The following HABP2 variants were observed in gnomAD, a reference collection of about 807,000 sequenced individuals.
HABP2 encodes the protein hyaluronan binding protein 2.
HABP2 carries 65 observed loss-of-function variants against 66.5 expected under a neutral mutation model. The observed-to-expected ratio is 0.98, with a 90% CI of 0.80 to 1.20. The LOEUF (loss-of-function observed/expected upper bound fraction) is 1.20. Ranked by LOEUF, HABP2 falls within the 50% of genes most tolerant of loss-of-function variation. HABP2 has a pLI of 0.00. For missense variants in HABP2, 786 were observed against 691.0 expected (o/e 1.14, Z -1.54); for synonymous variants, 263 against 253.9 (o/e 1.04, Z -0.34).
At chr10:113,567,600 T>C in intron 2 of HABP2, 75 bp downstream of exon 2, 1 of 1,092,532 alleles carries the variant, frequency 9.2e-7, no homozygotes, top group South Asian at 1.3e-5. Context: ...GAGGCCTAAG[T>C]ATGGAAGTGT....
chr10:113,583,528 C>T lies in HABP2; in HGVS notation c.1237+170C>T, dbSNP rs2302373. ...GATTTTTAGTTTTTGAGGGTATGTGCAAATGTAGATAAATGGGCATATGCT... is the reference window on the plus strand; with the variant it reads ...GATTTTTAGTTTTTGAGGGTATGTGTAAATGTAGATAAATGGGCATATGCT... On this transcript the variant is annotated intron_variant, in intron 10 of 12. Transcript: ENST00000351270. 0.65 allele frequency among the ~76,000 whole-genome samples: 98,189 copies of T among 151,988 alleles called. 32,135 individuals carry two copies. The highest frequency in any genetic ancestry group is 0.75 in the East Asian group (3,863 of 5,164).
At chr10:113,580,460 C>A (rs1297176422) in intron 7 of HABP2, 135 bp from the exon 8 acceptor site, 17 of 626,414 alleles carry the variant, frequency 2.7e-5, no homozygotes, top group Non-Finnish European at 4.0e-5. Context: ...GGTTTTGTAA[C>A]CTGATGGAGG....
At chr10:113,565,856 G>C (rs777254661) in intron 1 of HABP2, among the ~76,000 whole-genome samples, 1 of 152,146 alleles carries the variant, frequency 6.6e-6, no homozygotes. Flanking sequence ...TAGGTGTTTT[G>C]TAGAATGCCC....
In HABP2 at chr10:113,562,709, T is replaced by G. The variant is rs917134566; in HGVS notation, c.70-4780T>G. ...ATCTGCCCACCTCGGCCTCCCAAAGTGTTGGGATTACAGGCGTAAGCCACT... is the reference window on the plus strand; with the variant it reads ...ATCTGCCCACCTCGGCCTCCCAAAGGGTTGGGATTACAGGCGTAAGCCACT... On this transcript the variant is annotated intron_variant, in intron 1 of 12. Transcript: ENST00000351270. Among the ~76,000 whole-genome samples the G allele has an allele frequency of 3.3e-5, 5 of 152,212 alleles. No individual in the cohort carries two copies. The East Asian group carries it at 9.6e-4, about 29-fold the overall frequency.
chr10:113,564,358 C>T (rs1845157881), intron 1 of HABP2, among the ~76,000 whole-genome samples: 1 of 152,116 alleles, frequency 6.6e-6, no homozygotes, highest in African/African-American at 2.4e-5. Context: ...AGGGTCCCCT[C>T]ATGGCACCTC....
intron 8 of HABP2, among the ~76,000 whole-genome samples, chr10:113,581,662 T>C (rs1211821509): frequency 6.6e-6 from 1 of 152,224 alleles, no homozygotes; most frequent in Non-Finnish European, 1.5e-5. Context: ...AAAAACTACA[T>C]TGTTAATTCT....
Position 113,589,120 on chromosome 10 carries a change from C to T in HABP2, c.*751C>T. ...ATACCCCAAGTTAAAATGAAGCTCC[C>T]CCACCCCCACTCCCGGCCCCGGTTC... On this transcript the variant is annotated 3_prime_UTR_variant, in exon 13 of 13. Coordinates refer to ENST00000351270, the MANE Select transcript of HABP2 (RefSeq NM_004132.5). The T allele has an allele frequency of 1.9e-6, 3 of 1,543,458 alleles. 1 individual carries two copies. Among genetic ancestry groups the T allele is most frequent in the South Asian group, 2.2e-5 (2 of 89,218 alleles).
chr10:113,562,186 C>T (rs1009902510), intron 1 of HABP2, among the ~76,000 whole-genome samples: 2 of 152,208 alleles, frequency 1.3e-5, no homozygotes, highest in African/African-American at 4.8e-5. Flanking sequence ...GAAGCAGCAG[C>T]GTCCACCCTT....
At chr10:113,552,920 A>G (rs747555266), upstream of HABP2, 1 of 518,910 alleles carries the variant, frequency 1.9e-6, no homozygotes, top group Middle Eastern at 5.2e-4. Context: ...GACTCAGCCC[A>G]GCCCCAAAGT....
intron 12 of HABP2, 117 bp downstream of exon 12, chr10:113,586,055 C>A: frequency 1.1e-6 from 1 of 886,528 alleles, no homozygotes. Context: ...TGTGGTAAAG[C>A]TAAGACACAG....
In HABP2 at chr10:113,588,969, C is replaced by T. The variant is rs1845751295; in HGVS notation, c.*600C>T. 1 of 1,511,936 alleles carries T rather than the reference C, an allele frequency of 6.6e-7. No individual in the cohort carries two copies. The highest frequency in any genetic ancestry group is 2.4e-5 in the East Asian group (1 of 41,994). The allele number at this position is 1,511,936 out of a possible 1,614,324, so 93.7% of individuals were successfully genotyped here. Reference sequence around the variant, plus strand: ...CTGGCCTCTCAGGAATCAGGGTGGACATGGCTCACAACAGCAGGGCCTTCT... The same window carrying T: ...CTGGCCTCTCAGGAATCAGGGTGGATATGGCTCACAACAGCAGGGCCTTCT... On this transcript the variant is annotated 3_prime_UTR_variant, in exon 13 of 13. Transcript: ENST00000351270.
chr10:113,580,873 C>G (rs967912168), intron 8 of HABP2, among the ~76,000 whole-genome samples, 181 bp downstream of exon 8: 2 of 152,242 alleles, frequency 1.3e-5, no homozygotes, highest in African/African-American at 4.8e-5. Context: ...CCAAGCAGGT[C>G]TGGATACCTT....
intron 1 of HABP2, among the ~76,000 whole-genome samples, chr10:113,556,412 C>T (rs2133739251): frequency 6.6e-6 from 1 of 152,266 alleles, no homozygotes; most frequent in South Asian, 2.1e-4. Flanking sequence ...GCCACCGCTG[C>T]TGTTATTAGA....
At chr10:113,561,718 T>C (rs763596970) in intron 1 of HABP2, among the ~76,000 whole-genome samples, 2 of 152,128 alleles carry the variant, frequency 1.3e-5, no homozygotes, top group East Asian at 3.8e-4. Context: ...TGCCTCCTAA[T>C]CCCTCTGAGA....
At chr10:113,564,274 T>A (rs1490043557) in intron 1 of HABP2, among the ~76,000 whole-genome samples, 1 of 152,114 alleles carries the variant, frequency 6.6e-6, no homozygotes, top group African/African-American at 2.4e-5. Context: ...ACATGGTCCC[T>A]CCTATGACAC....
At chr10:113,552,318 G>T (rs901081735), upstream of HABP2, among the ~76,000 whole-genome samples, 3 of 152,168 alleles carry the variant, frequency 2.0e-5, no homozygotes, top group African/African-American at 7.2e-5. Context: ...CTATTAAAGA[G>T]ATCAATTGTG....
chr10:113,563,633 G>C (rs1168556106), intron 1 of HABP2, among the ~76,000 whole-genome samples: 1 of 152,156 alleles, frequency 6.6e-6, no homozygotes, highest in Admixed American at 6.5e-5. Flanking sequence ...GGAAGGGCAC[G>C]TCTGCCACCT....
intron 3 of HABP2, among the ~76,000 whole-genome samples, chr10:113,574,833 ACTTTC>A (rs983326369): frequency 6.6e-6 from 1 of 152,090 alleles, no homozygotes; most frequent in Non-Finnish European, 1.5e-5. Flanking sequence ...CAGCTTTGGG[ACTTTC>A]CTTCCCTCAT....
rs749649794 is a variant in HABP2 at position 113,585,826 on chromosome 10, T to G, written c.1406T>G (p.Val469Gly). Residue 469 changes from valine to glycine, a missense_variant, in exon 12 of 13, where the codon GTC (valine) becomes GGC (glycine). Physicochemically the swap from Val to Gly is moderately radical, Grantham distance 109. Transcript: ENST00000351270. ...TCCCGCCAGCTCCTGGATGCCAAAG[T>G]CAAGCTGATTGCCAACACTTTGTGC... ...KGSRQLLDAK[V>G]KLIANTLCNS... The G allele has an allele frequency of 6.2e-7, 1 of 1,613,658 alleles. No homozygotes were observed. The highest frequency in any genetic ancestry group is 8.5e-7 in the Non-Finnish European group (1 of 1,179,560).
Sources: allele counts gnomAD v4.1 joint callset (sites outside exome capture counted in the v4.1 genomes callset), GRCh38; gene constraint gnomAD v4.1.1; transcripts MANE v1.5; gene names NCBI Gene and HGNC (gene_info 2026-07-23, HGNC 2026-07-21).